The following SGSH variants were observed in gnomAD, a reference collection of about 807,000 sequenced individuals.
SGSH encodes the protein heparan sulfate sulfatase.
Under a neutral mutation model 51.0 loss-of-function variants are expected in SGSH, and 48 were observed. The observed-to-expected ratio is 0.94, with a 90% CI of 0.75 to 1.20. The LOEUF (loss-of-function observed/expected upper bound fraction) is 1.20, where lower values mean the gene tolerates loss of function less well. Ranked by LOEUF, SGSH falls within the 50% of genes most tolerant of loss-of-function variation. The pLI is 0.00. For missense variants in SGSH, 662 were observed against 717.8 expected, an observed-to-expected ratio of 0.92 and a Z score of 0.89; for synonymous variants, 321 against 313.4, an observed-to-expected ratio of 1.02 and a Z score of -0.26.
At chr17:80,204,412 G>A, downstream of SGSH, 5 of 1,430,752 alleles carry the variant, frequency 3.5e-6, no homozygotes, top group South Asian at 5.5e-5. Flanking sequence ...GCTGCTGCTA[G>A]TTGGTCAGCT....
In SGSH at chr17:80,217,159, T is replaced by C. The variant is rs2041923714; in HGVS notation, c.122A>G (p.Asn41Ser). The C allele has an allele frequency of 6.2e-7, 1 of 1,601,610 alleles. No individual in the cohort carries two copies. The highest frequency in any genetic ancestry group is 8.5e-7 in the Non-Finnish European group (1 of 1,176,746). Reference protein sequence around the residue: ...DDGGFESGAYNNSAIATPHLD... With the variant: ...DDGGFESGAYSNSAIATPHLD... Reference sequence around the variant, plus strand: ...GTGCGGGGTGGCGATGGCGCTGTTGTTGTACGCGCCACTCTCAAAGCCTCC... The same window carrying C: ...GTGCGGGGTGGCGATGGCGCTGTTGCTGTACGCGCCACTCTCAAAGCCTCC... Residue 41 changes from asparagine (N) to serine (S), a missense_variant, in exon 2 of 8, where the codon AAC becomes AGC. Asn to Ser is a conservative substitution (Grantham distance 46). Coordinates refer to ENST00000326317, the MANE Select transcript of SGSH (RefSeq NM_000199.5).
chr17:80,203,514 T>G, downstream of SGSH: 11 of 302,052 alleles, frequency 3.6e-5, no homozygotes, highest in East Asian at 1.8e-4. The surrounding 1 kb of genome is among the most constrained non-coding windows in gnomAD (Gnocchi z 4.6). Context: ...CCACCATGAA[T>G]ATTGAGGTCC....
chr17:80,213,499 A>C lies in SGSH; in HGVS notation c.745+305T>G. 2.0e-6 allele frequency: 1 copy of C among 497,244 alleles called. No individual in the cohort carries two copies. The highest frequency in any genetic ancestry group is 3.5e-5 in the East Asian group (1 of 28,732). The allele number at this position is 497,244 out of a possible 1,614,324, so 30.8% of individuals were successfully genotyped here. A position where few individuals can be genotyped will look rare whatever the true frequency, so the allele number is the denominator to read the frequency against. On this transcript the variant is annotated intron_variant, in intron 6 of 7. Coordinates refer to ENST00000326317, the MANE Select transcript of SGSH (RefSeq NM_000199.5). The surrounding 1 kb of genome is among the most constrained non-coding windows in gnomAD (Gnocchi z 4.6). ...CTCAAGATCTCCATCTGCATATGCT[A>C]AGGAACTCCAAACCCCCAAATCTGA...
rs1425004531 is a variant in SGSH at position 80,217,077 on chromosome 17, G to A, written c.204C>T (p.Ser68=). The change falls in exon 2 of 8, where the codon AGC becomes AGT. Residue 68 remains serine (S), a synonymous_variant. Transcript: ENST00000326317. ...LLFRNAFTSV[S]SCSPSRASLL... is the part of the protein sequence containing the mutation. Reference sequence around the variant, plus strand: ...GGCTGGCGCGGCTGGGAGAGCAGCTGCTGACCGAGGTGAAGGCATTGCGAA... The same window carrying A: ...GGCTGGCGCGGCTGGGAGAGCAGCTACTGACCGAGGTGAAGGCATTGCGAA... 6.3e-7 allele frequency: 1 copy of A among 1,598,060 alleles called. No individual in the cohort carries two copies. The highest frequency in any genetic ancestry group is 8.5e-7 in the Non-Finnish European group (1 of 1,174,426).
At position 80,217,204 on chromosome 17, in the gene SGSH, G is replaced by A. The variant is rs1309535525; in HGVS notation, c.89-12C>T. The A allele has an allele frequency of 6.3e-7, 1 of 1,594,764 alleles. No homozygotes were observed. The highest frequency in any genetic ancestry group is 1.1e-5 in the South Asian group (1 of 88,726). On this transcript the variant is annotated splice_polypyrimidine_tract_variant and intron_variant, in intron 1 of 7. Transcript: ENST00000326317. ...GCCTCCGTCATCCGCTGCGTGAGGT[G>A]GGAGACAGAGAGTGCACGGTCGGCT...
chr17:80,204,797 A>C (rs948562219), downstream of SGSH: 25 of 492,956 alleles, frequency 5.1e-5, no homozygotes, highest in Non-Finnish European at 8.2e-5. Flanking sequence ...ATTAAGTTGC[A>C]GGCTGCAAAG....
chr17:80,214,506 C>T (rs1364620304), intron 4 of SGSH, 109 bp downstream of exon 4: 23 of 1,341,870 alleles, frequency 1.7e-5, no homozygotes, highest in East Asian at 2.5e-5. Flanking sequence ...GAACCTTCTC[C>T]CCTGCCCCCA....
chr17:80,208,708 A>C, downstream of SGSH: 8 of 203,898 alleles, frequency 3.9e-5, no homozygotes, highest in Non-Finnish European at 5.9e-5. Context: ...CCCGATTCAA[A>C]TCTATGGGGG....
At chr17:80,215,899 C>T (rs762493960) in intron 2 of SGSH, among the ~76,000 whole-genome samples, 7 of 152,172 alleles carry the variant, frequency 4.6e-5, no homozygotes, top group Non-Finnish European at 4.4e-5. Context: ...TGCCCACTGA[C>T]GGATGAATAT....
chr17:80,216,798 G>A, intron 2 of SGSH: 1 of 570,194 alleles, frequency 1.8e-6, no homozygotes, highest in Non-Finnish European at 3.1e-6. Context: ...TGAGGCACAA[G>A]GAGGTAGGTG....
At chr17:80,216,165 C>A (rs1485791976) in intron 2 of SGSH, among the ~76,000 whole-genome samples, 1 of 152,034 alleles carries the variant, frequency 6.6e-6, no homozygotes, top group African/African-American at 2.4e-5. Context: ...CCCATCTCTA[C>A]TAAAAATACA....
downstream of SGSH, among the ~76,000 whole-genome samples, chr17:80,206,504 G>A (rs904136333): frequency 6.6e-6 from 1 of 152,194 alleles, no homozygotes; most frequent in Non-Finnish European, 1.5e-5. Context: ...GGTGGCTCAC[G>A]CCTCTAATCC....
At chr17:80,208,636 T>A, downstream of SGSH, 1 of 336,632 alleles carries the variant, frequency 3.0e-6, no homozygotes, top group East Asian at 4.9e-5. Context: ...GAGGGACGTC[T>A]TCCCATGCCT....
At chr17:80,218,163 C>T (rs1228926739) in intron 1 of SGSH, among the ~76,000 whole-genome samples, 6 of 152,372 alleles carry the variant, frequency 3.9e-5, no homozygotes, top group African/African-American at 1.4e-4. Flanking sequence ...ATTCTGGGCT[C>T]AGCGGAAACC....
downstream of SGSH, chr17:80,202,394 GC>G: frequency 6.2e-7 from 1 of 1,612,880 alleles, no homozygotes; most frequent in Non-Finnish European, 8.5e-7. Flanking sequence ...ATACTGCCGC[GC>G]ACGGCACCAT....
At chr17:80,214,429 T>A in intron 4 of SGSH, 101 bp from the exon 5 acceptor site, 1 of 1,413,044 alleles carries the variant, frequency 7.1e-7, no homozygotes, top group Non-Finnish European at 9.6e-7. Flanking sequence ...GAAGTCAACC[T>A]GTGACCCTCA....
chr17:80,203,729 G>C (rs958635841), downstream of SGSH: 16 of 906,612 alleles, frequency 1.8e-5, no homozygotes, highest in South Asian at 1.8e-4. The surrounding 1 kb of genome is among the most constrained non-coding windows in gnomAD (Gnocchi z 4.6). Flanking sequence ...TCTCCCACCC[G>C]GCCATCTCCC....
At chr17:80,204,315 G>A (rs1217182656), downstream of SGSH, 6 of 1,589,406 alleles carry the variant, frequency 3.8e-6, no homozygotes, top group Non-Finnish European at 5.2e-6. Flanking sequence ...TTTGACAGGG[G>A]CCAGTTGGAC....
At position 80,213,770 on chromosome 17, in the gene SGSH, G is replaced by A; in HGVS notation, c.745+34C>T. The A allele has an allele frequency of 6.4e-7, 1 of 1,560,988 alleles. No homozygotes were observed. Among genetic ancestry groups the A allele is most frequent in the East Asian group, 2.3e-5 (1 of 43,836 alleles). On this transcript the variant is annotated intron_variant, in intron 6 of 7. Coordinates refer to ENST00000326317, the MANE Select transcript of SGSH (RefSeq NM_000199.5). This position sits in a 1 kb window ranked among gnomAD's most constrained non-coding sequence, Gnocchi z 4.6. ...CCCAGGATGGGGGACCCCGGCCGTG[G>A]CACCCCCTCCAGTGCCCGGTTCTGC...
Sources: allele counts gnomAD v4.1 joint callset (sites outside exome capture counted in the v4.1 genomes callset), GRCh38; gene constraint gnomAD v4.1.1; non-coding constraint Gnocchi (gnomAD v3.1); transcripts MANE v1.5; gene names NCBI Gene and HGNC (gene_info 2026-07-23, HGNC 2026-07-21).